Variants in KIF27 observed in about 807,000 individuals in gnomAD.
KIF27 encodes the protein kinesin family member 27.
A neutral mutation model predicts 141.8 loss-of-function variants in KIF27; 84 were observed. The ratio of observed to expected loss-of-function variants is 0.59; its 90% CI spans 0.50 to 0.71. The LOEUF (loss-of-function observed/expected upper bound fraction) is 0.71. Ranked by LOEUF, KIF27 falls within the 30% of genes least tolerant of loss-of-function variation. The pLI is 0.00. For synonymous variants in KIF27, 471 were observed against 569.5 expected, an observed-to-expected ratio of 0.83 and a Z score of 2.46; for missense variants, 1,306 against 1,628.4, an observed-to-expected ratio of 0.80 and a Z score of 3.41.
At chr9:83,874,933 CA>C (rs34762926) in intron 11 of KIF27, among the ~76,000 whole-genome samples, 2,200 of 91,356 alleles carry the variant, frequency 0.024, 32 homozygotes, top group East Asian at 0.052. Context: ...GACCTTGTCT[CA>C]AAAAAAAAAA....
intron 17 of KIF27, among the ~76,000 whole-genome samples, chr9:83,839,321 T>C (rs891419197): frequency 1.7e-4 from 26 of 152,332 alleles, no homozygotes; most frequent in African/African-American, 6.3e-4. Flanking sequence ...CAGAATTTTA[T>C]AATTGAGGGA....
chr9:83,849,981 G>C, intron 16 of KIF27, 118 bp downstream of exon 16: 1 of 882,810 alleles, frequency 1.1e-6, no homozygotes, highest in Non-Finnish European at 1.8e-6. Flanking sequence ...CCAAAAACTT[G>C]TCTAAGTAGC....
At chr9:83,907,998 T>C (rs1954735732) in intron 3 of KIF27, among the ~76,000 whole-genome samples, 1 of 152,198 alleles carries the variant, frequency 6.6e-6, no homozygotes, top group African/African-American at 2.4e-5. Context: ...GAGCAGTGGC[T>C]CACGCCTGTA....
At chr9:83,845,981 A>G (rs1287394983) in intron 16 of KIF27, among the ~76,000 whole-genome samples, 2 of 152,010 alleles carry the variant, frequency 1.3e-5, no homozygotes, top group Non-Finnish European at 1.5e-5. Flanking sequence ...TGTGGATACC[A>G]CTCAGCCTCT....
chr9:83,850,830 C>CTTTTTTTTT (rs202212264), intron 15 of KIF27, among the ~76,000 whole-genome samples: 1 of 67,504 alleles, frequency 1.5e-5, no homozygotes, highest in Non-Finnish European at 2.9e-5. Flanking sequence ...ATGACATTTT[C>CTTTTTTTTT]TTTTTTTTTT....
At chr9:83,896,517 T>C (rs978673829) in intron 5 of KIF27, among the ~76,000 whole-genome samples, 6 of 152,120 alleles carry the variant, frequency 3.9e-5, no homozygotes, top group Non-Finnish European at 7.4e-5. Context: ...ATCTATAAAT[T>C]ATTTGCAATA....
rs73463363 is a variant in KIF27 at position 83,908,923 on chromosome 9, A to C, written c.299-271T>G. Among the ~76,000 whole-genome samples, 1,346 of 152,114 alleles carry C rather than the reference A, an allele frequency of 8.8e-3. 21 individuals carry two copies. The highest frequency in any genetic ancestry group is 0.03 in the African/African-American group (1,256 of 41,508). On this transcript the variant is annotated intron_variant, in intron 2 of 17. Coordinates refer to ENST00000297814, the MANE Select transcript of KIF27 (RefSeq NM_017576.4). Reference sequence around the variant, plus strand: ...TACAGATGCCCACCACCAGGCTATTATAACTCTTTTAAACCACAACTATAA... The same window carrying C: ...TACAGATGCCCACCACCAGGCTATTCTAACTCTTTTAAACCACAACTATAA...
chr9:83,912,887 G>T (rs1369420399), intron 2 of KIF27, among the ~76,000 whole-genome samples: 2 of 152,036 alleles, frequency 1.3e-5, no homozygotes, highest in East Asian at 3.8e-4. Flanking sequence ...CAGGCGTGGT[G>T]GTTCACACCT....
At chr9:83,883,710 T>C (rs1201779310) in intron 10 of KIF27, 103 bp downstream of exon 10, 3 of 717,648 alleles carry the variant, frequency 4.2e-6, no homozygotes, top group Non-Finnish European at 6.9e-6. Context: ...CCAGTTTCTC[T>C]TGCTGGTATA....
intron 11 of KIF27, among the ~76,000 whole-genome samples, chr9:83,878,782 G>T (rs1257094931): frequency 6.6e-6 from 1 of 152,182 alleles, no homozygotes; most frequent in Non-Finnish European, 1.5e-5. Flanking sequence ...TAATATTACA[G>T]AGTGTCTGTC....
chr9:83,893,667 A>T (rs1952895093), intron 5 of KIF27, among the ~76,000 whole-genome samples: 1 of 151,920 alleles, frequency 6.6e-6, no homozygotes, highest in Non-Finnish European at 1.5e-5. Flanking sequence ...AGAAGCTAAA[A>T]ATCAATATAC....
chr9:83,860,254 A>G (rs1949742479), intron 13 of KIF27, among the ~76,000 whole-genome samples: 1 of 152,188 alleles, frequency 6.6e-6, no homozygotes, highest in South Asian at 2.1e-4. Flanking sequence ...ATAACTTTAA[A>G]AAAGCATTCC....
Position 83,850,151 on chromosome 9 carries a change from G to C in KIF27, c.3504C>G (p.Leu1168=). Residue 1168 remains leucine, a synonymous_variant, in exon 16 of 18, where the codon CTC becomes CTG. Transcript: ENST00000297814. ...LKLQCDRRLT[L]QQKEHEQKMQ... ...TCTTTTGTTCGTGTTCCTTTTGCTG[G>C]AGGGTCAGTCTCCGGTCACACTGCA... 2.5e-6 allele frequency: 4 copies of C among 1,613,926 alleles called. No homozygotes were observed. Among genetic ancestry groups the C allele is most frequent in the Non-Finnish European group, 3.4e-6 (4 of 1,179,846 alleles).
At chr9:83,852,478 G>A (rs546057254) in intron 15 of KIF27, among the ~76,000 whole-genome samples, 3 of 151,384 alleles carry the variant, frequency 2.0e-5, no homozygotes, top group Non-Finnish European at 2.9e-5. Flanking sequence ...AGTTATCTAT[G>A]TCAAAGCACT....
At chr9:83,910,129 TA>T (rs1349570407) in intron 2 of KIF27, among the ~76,000 whole-genome samples, 1 of 152,056 alleles carries the variant, frequency 6.6e-6, no homozygotes, top group Non-Finnish European at 1.5e-5. Context: ...CACTGTTCAT[TA>T]AATACTAGAT....
rs1366116343 is a variant in KIF27, at chr9:83,911,334, G to A, written c.299-2682C>T. ...CAACCTCCACCTCCTGGGTTCAAGC[G>A]ATTCTCCTGCCTCAGCCTCCTGAGT... On this transcript the variant is annotated intron_variant, in intron 2 of 17. Transcript: ENST00000297814. Among the ~76,000 whole-genome samples, 3 of 152,140 alleles carry A rather than the reference G, an allele frequency of 2.0e-5. No homozygotes were observed. The East Asian group carries it at 5.8e-4, about 29-fold the overall frequency.
intron 15 of KIF27, among the ~76,000 whole-genome samples, chr9:83,851,305 C>G (rs1194090292): frequency 6.6e-6 from 1 of 152,160 alleles, no homozygotes; most frequent in African/African-American, 2.4e-5. Flanking sequence ...CAAGTTTTAA[C>G]TCCAGAATGG....
chr9:83,836,752 G>T lies in KIF27; in HGVS notation c.*249C>A. 2.3e-6 allele frequency: 1 copy of T among 432,548 alleles called. No individual in the cohort carries two copies. Among genetic ancestry groups the T allele is most frequent in the Non-Finnish European group, 3.8e-6 (1 of 261,206 alleles). The allele number at this position is 432,548 out of a possible 1,614,324, so 26.8% of individuals were successfully genotyped here. A position where few individuals can be genotyped will look rare whatever the true frequency, so the allele number is the denominator to read the frequency against. ...AATATGCCTGGAAAAACATTTAAGC[G>T]TATTTATAAATATTTAAATGTTATC... On this transcript the variant is annotated 3_prime_UTR_variant, in exon 18 of 18. Transcript: ENST00000297814.
chr9:83,869,833 C>T (rs1950625914), intron 12 of KIF27, among the ~76,000 whole-genome samples: 1 of 151,978 alleles, frequency 6.6e-6, no homozygotes, highest in Non-Finnish European at 1.5e-5. Flanking sequence ...TCATTTCTAC[C>T]AAAATAAGAA....
Sources: gnomAD v4.1 joint callset for allele counts (sites outside exome capture counted in the v4.1 genomes callset) on GRCh38, gnomAD v4.1.1 for gene constraint, MANE v1.5 for transcripts, NCBI Gene and HGNC (gene_info 2026-07-23, HGNC 2026-07-21) for gene names.